Variants in ADGRD1 observed in about 807,000 individuals in gnomAD.
ADGRD1 encodes adhesion G protein-coupled receptor D1.
ADGRD1 carries 77 observed loss-of-function variants against 113.4 expected under a neutral mutation model. The observed-to-expected ratio is 0.68, with a 90% confidence interval of 0.57 to 0.82. The LOEUF is 0.82. Ranked by LOEUF, ADGRD1 falls within the 40% of genes least tolerant of loss-of-function variation. The pLI, the probability that ADGRD1 is intolerant of heterozygous loss-of-function variation, is 0.00. For synonymous variants in ADGRD1, 474 were observed against 475.0 expected (o/e 1.00, Z 0.03); for missense variants, 1,036 against 1,139.1 (o/e 0.91, Z 1.30).
At chr12:131,005,719 TC>T (rs529340191) in intron 11 of ADGRD1, among the ~76,000 whole-genome samples, 49 of 152,308 alleles carry the variant, frequency 3.2e-4, no homozygotes, top group African/African-American at 1.0e-3. Context: ...AGCCTGGCCC[TC>T]CCTGGGGGGT....
chr12:131,006,324 A>T lies in ADGRD1; in HGVS notation c.1331+277A>T, dbSNP rs1877115087. 2.0e-5 allele frequency among the ~76,000 whole-genome samples: 3 copies of T among 152,244 alleles called. No homozygotes were observed. The South Asian group carries it at 6.2e-4, about 32-fold the overall frequency. On this transcript the variant is annotated intron_variant, in intron 12 of 24. Transcript: ENST00000261654. Reference sequence around the variant, plus strand: ...CTGTGTGACCTTGGGCAAGGGACTTAACCTCTCTGAGCCTCAGTTTCCACT... The same window carrying T: ...CTGTGTGACCTTGGGCAAGGGACTTTACCTCTCTGAGCCTCAGTTTCCACT...
intron 13 of ADGRD1, among the ~76,000 whole-genome samples, chr12:131,028,773 T>A (rs1880274064): frequency 6.6e-6 from 1 of 152,244 alleles, no homozygotes; most frequent in Non-Finnish European, 1.5e-5. Context: ...GACTCTGCTC[T>A]GTCCGTCATC....
intron 13 of ADGRD1, chr12:131,026,681 G>GGGA (rs1302764146): frequency 6.6e-6 from 1 of 152,300 alleles, no homozygotes; most frequent in Non-Finnish European, 1.5e-5. Context: ...GGGCATTGCA[G>GGGA]GGAGGGTGTG....
At chr12:131,031,936 T>C (rs1323703154) in intron 13 of ADGRD1, among the ~76,000 whole-genome samples, 1 of 152,200 alleles carries the variant, frequency 6.6e-6, no homozygotes, top group Admixed American at 6.5e-5. Flanking sequence ...TGTGTCTGTT[T>C]GGTGAACTGC....
Position 131,033,006 on chromosome 12 carries a change from G to T in ADGRD1, c.1473+18666G>T, listed in dbSNP as rs144711497. 6.4e-4 allele frequency among the ~76,000 whole-genome samples: 97 copies of T among 151,000 alleles called. 1 individual carries two copies. The highest frequency in any genetic ancestry group is 1.1e-3 in the Non-Finnish European group (73 of 67,666). Reference sequence around the variant, plus strand: ...AGAGGTGACGCTTATTAGAGAAATCGCCACCCCGTCACAGAGACCACTTCA... The same window carrying T: ...AGAGGTGACGCTTATTAGAGAAATCTCCACCCCGTCACAGAGACCACTTCA... On this transcript the variant is annotated intron_variant, in intron 13 of 24. Coordinates refer to ENST00000261654, the MANE Select transcript of ADGRD1 (RefSeq NM_198827.5).
chr12:131,068,601 A>G (rs1884911378), intron 13 of ADGRD1, among the ~76,000 whole-genome samples: 1 of 152,196 alleles, frequency 6.6e-6, no homozygotes. Flanking sequence ...GAAAAACCAC[A>G]GCATATCTGC....
Position 131,014,264 on chromosome 12 carries a change from A to C in ADGRD1, c.1397A>C (p.Glu466Ala), listed in dbSNP as rs1033342520. The C allele has an allele frequency of 1.9e-6, 3 of 1,613,648 alleles. No individual in the cohort carries two copies. Among genetic ancestry groups the C allele is most frequent in the Non-Finnish European group, 2.5e-6 (3 of 1,179,668 alleles). ...LFATSHLISL[E>A]VSPPPTLSQN... ...GCCACCAGCCACCTGATTTCCCTGG[A>C]GGTGTCCCCACCACCCACCCTGTCT... The change falls in exon 13 of 25, where the codon GAG (glutamate) becomes GCG (alanine). Residue 466 changes from glutamate to alanine, a missense_variant. Coordinates refer to ENST00000261654, the MANE Select transcript of ADGRD1 (RefSeq NM_198827.5).
rs1323216494 is a variant in ADGRD1 at position 131,027,727 on chromosome 12, C to T, written c.1473+13387C>T. ...TCAGGGTTACTCAGACCAAACTTCT[C>T]ATCACCCTGCATCCCCCTGCCAGCC... On this transcript the variant is annotated intron_variant, in intron 13 of 24. Transcript: ENST00000261654. The surrounding 1 kb of genome is among the most constrained non-coding windows in gnomAD (Gnocchi z 5.1). 6.6e-6 allele frequency: 1 copy of T among 152,204 alleles called. No individual in the cohort carries two copies. Among genetic ancestry groups the T allele is most frequent in the Non-Finnish European group, 1.5e-5 (1 of 68,036 alleles). 9.4% of individuals were successfully genotyped at this position (152,204 alleles called of 1,614,324 possible).
At chr12:131,135,484 C>G (rs1179566093) in intron 21 of ADGRD1, among the ~76,000 whole-genome samples, 1 of 152,198 alleles carries the variant, frequency 6.6e-6, no homozygotes, top group East Asian at 1.9e-4. Flanking sequence ...CCACTTGGCC[C>G]TGCCCTCTGA....
rs546083014 is a variant in ADGRD1 at position 131,046,050 on chromosome 12, C to T, written c.1474-30751C>T. Among the ~76,000 whole-genome samples the T allele has an allele frequency of 9.0e-5, 13 of 144,536 alleles. No homozygotes were observed. The South Asian group carries it at 3.0e-3, about 34-fold the overall frequency. The allele number at this position is 144,536 out of a possible 152,430, so 94.8% of individuals were successfully genotyped here. A position where few individuals can be genotyped will look rare whatever the true frequency, so the allele number is the denominator to read the frequency against. On this transcript the variant is annotated intron_variant, in intron 13 of 24. Coordinates refer to ENST00000261654, the MANE Select transcript of ADGRD1 (RefSeq NM_198827.5). Reference sequence around the variant, plus strand: ...TGGTCAGTGTCCTCCCTGGTCAGCACTTCTCCCAGGTCAGTGTCCTTCCCG... The same window carrying T: ...TGGTCAGTGTCCTCCCTGGTCAGCATTTCTCCCAGGTCAGTGTCCTTCCCG...
intron 13 of ADGRD1, among the ~76,000 whole-genome samples, chr12:131,016,527 T>C (rs896764443): frequency 6.6e-6 from 1 of 152,252 alleles, no homozygotes; most frequent in Non-Finnish European, 1.5e-5. Context: ...GGCTGCGACA[T>C]GCAGCAGAGA....
At chr12:131,031,849 C>T (rs1880792434) in intron 13 of ADGRD1, among the ~76,000 whole-genome samples, 1 of 152,222 alleles carries the variant, frequency 6.6e-6, no homozygotes, top group African/African-American at 2.4e-5. Flanking sequence ...CTCGGAAACC[C>T]TGAGAGGTGT....
At position 131,084,268 on chromosome 12, in the gene ADGRD1, G is replaced by A. The variant is rs1886285637; in HGVS notation, c.1548-272G>A. On this transcript the variant is annotated intron_variant, in intron 14 of 24. Transcript: ENST00000261654. The surrounding 1 kb of genome is among the most constrained non-coding windows in gnomAD (Gnocchi z 4.5). ...TCCAGGTGCTTTTCAGGGTGATTGT[G>A]CGAAGCAGCTCCCCCTTCCCTGTCC... is the stretch of plus-strand genomic sequence containing the variant. Among the ~76,000 whole-genome samples the A allele has an allele frequency of 6.6e-6, 1 of 152,106 alleles. No homozygotes were observed. Among genetic ancestry groups the A allele is most frequent in the Non-Finnish European group, 1.5e-5 (1 of 68,022 alleles).
intron 8 of ADGRD1, 131 bp downstream of exon 8, chr12:130,992,523 C>T: frequency 3.7e-6 from 3 of 821,814 alleles, no homozygotes; most frequent in South Asian, 1.7e-5. Context: ...GGGTTTCAGG[C>T]TTCTCATGAA....
intron 13 of ADGRD1, among the ~76,000 whole-genome samples, chr12:131,019,768 G>C (rs1237462335): frequency 6.6e-6 from 1 of 152,190 alleles, no homozygotes; most frequent in Non-Finnish European, 1.5e-5. Context: ...GGTGTTCCAG[G>C]GAGATGCTCC....
chr12:130,961,957 G>A (rs893772416), intron 2 of ADGRD1, among the ~76,000 whole-genome samples: 2 of 152,198 alleles, frequency 1.3e-5, no homozygotes, highest in African/African-American at 2.4e-5. Flanking sequence ...ACAGGGCACA[G>A]TTTTCCACGT....
chr12:131,036,696 G>A (rs879812410), intron 13 of ADGRD1, among the ~76,000 whole-genome samples: 9,825 of 112,874 alleles, frequency 0.087, 700 homozygotes, highest in Non-Finnish European at 0.13. Context: ...CTCACTCACT[G>A]CACCGGGCCT....
At position 131,060,370 on chromosome 12, in the gene ADGRD1, T is replaced by A. The variant is rs1284816666; in HGVS notation, c.1474-16431T>A. Among the ~76,000 whole-genome samples the A allele has an allele frequency of 6.6e-6, 1 of 152,236 alleles. No individual in the cohort carries two copies. Among genetic ancestry groups the A allele is most frequent in the African/African-American group, 2.4e-5 (1 of 41,468 alleles). On this transcript the variant is annotated intron_variant, in intron 13 of 24. Transcript: ENST00000261654. The surrounding 1 kb of genome is among the most constrained non-coding windows in gnomAD (Gnocchi z 4.4). ...CCCTTTCCTGGTCCTCTGTGGTTAC[T>A]GGACATATCAGATCAAATAGCTCAG... is the stretch of plus-strand genomic sequence containing the variant.
At chr12:131,016,442 C>T (rs1279208083) in intron 13 of ADGRD1, among the ~76,000 whole-genome samples, 2 of 152,238 alleles carry the variant, frequency 1.3e-5, no homozygotes, top group African/African-American at 4.8e-5. Flanking sequence ...ATCCTGGTCC[C>T]CTGCACAGGC....
Sources: gnomAD v4.1 joint callset for allele counts (sites outside exome capture counted in the v4.1 genomes callset) on GRCh38, gnomAD v4.1.1 for gene constraint, Gnocchi (gnomAD v3.1) non-coding constraint, MANE v1.5 for transcripts, NCBI Gene and HGNC (gene_info 2026-07-23, HGNC 2026-07-21) for gene names.